Variants in FIP1L1 observed in about 807,000 individuals in gnomAD.
The protein encoded by FIP1L1 is pre-mRNA 3'-end-processing factor FIP1.
In FIP1L1, 21 loss-of-function variants were observed where a neutral mutation model predicts 84.6. That is an observed-to-expected ratio of 0.25 (90% CI 0.18 to 0.36). The LOEUF (loss-of-function observed/expected upper bound fraction) is 0.36. FIP1L1 is among the 10% of genes least tolerant of loss of function. The probability of loss-of-function intolerance (pLI) is 1.00; values close to 1 mark genes in which losing one functional copy is unlikely to be tolerated. For missense variants in FIP1L1, 526 were observed against 751.1 expected, an observed-to-expected ratio of 0.70 and a Z score of 3.50; for synonymous variants, 263 against 242.3, an observed-to-expected ratio of 1.09 and a Z score of -0.80.
chr4:53,407,351 TTGATTGCAC>T (rs1171330680), intron 10 of FIP1L1, among the ~76,000 whole-genome samples: 3 of 152,220 alleles, frequency 2.0e-5, no homozygotes, highest in Non-Finnish European at 4.4e-5. Context: ...GAGTTCTAGT[TTGATTGCAC>T]TGTGGTCTGA....
chr4:53,434,593 T>A (rs966921035), intron 13 of FIP1L1, among the ~76,000 whole-genome samples: 2 of 151,840 alleles, frequency 1.3e-5, no homozygotes, highest in African/African-American at 4.8e-5. Context: ...TGCCTCAGCC[T>A]CCCGAGCAGC....
At position 53,449,703 on chromosome 4, in the gene FIP1L1, T is replaced by C. The variant is rs143101387; in HGVS notation, c.1286-3217T>C. ...GAGTTTGTGTAATATTGGAATGATC[T>C]GTACCTTCACTCACCTGTAAAAGGC... On this transcript the variant is annotated intron_variant, in intron 15 of 17. Coordinates refer to ENST00000337488, the MANE Select transcript of FIP1L1 (RefSeq NM_030917.4). Among the ~76,000 whole-genome samples, 5 of 152,288 alleles carry C rather than the reference T, an allele frequency of 3.3e-5. No homozygotes were observed. In the East Asian group the frequency reaches 7.7e-4, roughly 23 times the overall value.
intron 16 of FIP1L1, among the ~76,000 whole-genome samples, chr4:53,456,262 A>G (rs1376323169): frequency 1.3e-5 from 2 of 152,308 alleles, no homozygotes; most frequent in East Asian, 1.9e-4. Context: ...TTGTTTATAG[A>G]AGATTTGGCT....
rs530828165 is a variant in FIP1L1 at position 53,460,584 on chromosome 4, A to T, written c.*1135A>T. The T allele has an allele frequency of 1.6e-5, 4 of 251,662 alleles. No individual in the cohort carries two copies. The highest frequency in any genetic ancestry group is 8.9e-5 in the African/African-American group (4 of 44,982). 15.6% of individuals were successfully genotyped at this position (251,662 alleles called of 1,614,324 possible). A position where few individuals can be genotyped will look rare whatever the true frequency, so the allele number is the denominator to read the frequency against. On this transcript the variant is annotated 3_prime_UTR_variant, in exon 18 of 18. Transcript: ENST00000337488. Reference sequence around the variant, plus strand: ...CCTTGGCAGACTTCAGCATATACCAAATTTTAAATTTAAATCAGCTTGAAT... The same window carrying T: ...CCTTGGCAGACTTCAGCATATACCATATTTTAAATTTAAATCAGCTTGAAT...
intron 13 of FIP1L1, among the ~76,000 whole-genome samples, chr4:53,429,563 T>TA (rs540951858): frequency 6.6e-6 from 1 of 152,184 alleles, no homozygotes. Context: ...TTAATGATAC[T>TA]AAAAAAATTA....
chr4:53,426,177 C>G (rs1047138453), intron 12 of FIP1L1, among the ~76,000 whole-genome samples: 1 of 151,492 alleles, frequency 6.6e-6, no homozygotes, highest in Non-Finnish European at 1.5e-5. Context: ...CTTTCTTTTC[C>G]TTGGTAGAAA....
At chr4:53,444,313 G>T (rs1217347848) in intron 15 of FIP1L1, among the ~76,000 whole-genome samples, 1 of 152,150 alleles carries the variant, frequency 6.6e-6, no homozygotes, top group East Asian at 1.9e-4. Flanking sequence ...TTAATTCATG[G>T]TGACACAACA....
In FIP1L1 at chr4:53,382,319, A is replaced by G; in HGVS notation, c.212A>G (p.Asn71Ser). The G allele has an allele frequency of 6.2e-7, 1 of 1,613,612 alleles. No individual in the cohort carries two copies. Among genetic ancestry groups the G allele is most frequent in the Non-Finnish European group, 8.5e-7 (1 of 1,179,586 alleles). Reference protein sequence around the residue: ...PSGIEDETAENGVPKPKVTET... With the variant: ...PSGIEDETAESGVPKPKVTET... ...GGAATTGAAGATGAAACTGCTGAAA[A>G]TGGTGTACCAAAACCGGTAACATAA... The change falls in exon 4 of 18, where the codon AAT becomes AGT. Residue 71 changes from asparagine to serine, a missense_variant. By Grantham distance (46) the Asn-to-Ser change is conservative. Coordinates refer to ENST00000337488, the MANE Select transcript of FIP1L1 (RefSeq NM_030917.4).
At chr4:53,407,127 T>G (rs1390019871) in intron 10 of FIP1L1, among the ~76,000 whole-genome samples, 8 of 152,146 alleles carry the variant, frequency 5.3e-5, no homozygotes, top group South Asian at 4.1e-4. Flanking sequence ...GATCTTTCCT[T>G]CTTTCTCTTG....
chr4:53,459,277 C>CTTT (rs3067115), intron 17 of FIP1L1, 25 bp from the exon 18 acceptor site: 22,885 of 967,760 alleles, frequency 0.024, 413 homozygotes, highest in South Asian at 0.059. Context: ...CAGAACACAC[C>CTTT]TTTTTTTTTT....
At chr4:53,401,588 A>G (rs1750292041) in intron 10 of FIP1L1, among the ~76,000 whole-genome samples, 1 of 152,234 alleles carries the variant, frequency 6.6e-6, no homozygotes, top group Admixed American at 6.5e-5. Context: ...TTCAGAAGGT[A>G]AGCCAATAGC....
In FIP1L1 at chr4:53,459,275, AC is replaced by A. The variant is rs1721209041; in HGVS notation, c.1638-25del. ...CTGATTGTGTATTTAAACAGAACACACCTTTTTTTTTTTTTTTTTTTTCCAG... is the reference window on the plus strand; with the variant it reads ...CTGATTGTGTATTTAAACAGAACACACTTTTTTTTTTTTTTTTTTTTCCAG... On this transcript the variant is annotated intron_variant, in intron 17 of 17. Transcript: ENST00000337488. 9 of 942,076 alleles carry A rather than the reference AC, an allele frequency of 9.6e-6. No individual in the cohort carries two copies. The East Asian group carries it at 1.9e-4, about 20-fold the overall frequency. The allele number at this position is 942,076 out of a possible 1,614,324, so 58.4% of individuals were successfully genotyped here. A position where few individuals can be genotyped will look rare whatever the true frequency, so the allele number is the denominator to read the frequency against.
At position 53,414,733 on chromosome 4, in the gene FIP1L1, T is replaced by C. The variant is rs1382277728; in HGVS notation, c.923+11T>C. On this transcript the variant is annotated intron_variant, in intron 11 of 17. Coordinates refer to ENST00000337488, the MANE Select transcript of FIP1L1 (RefSeq NM_030917.4). Reference sequence around the variant, plus strand: ...ATCACCTGATCTAAGGTAAGGCTATTTTTAAACATTGGATACTCCCTGATG... The same window carrying C: ...ATCACCTGATCTAAGGTAAGGCTATCTTTAAACATTGGATACTCCCTGATG... 2 of 1,536,258 alleles carry C rather than the reference T, an allele frequency of 1.3e-6. No individual in the cohort carries two copies. The highest frequency in any genetic ancestry group is 1.7e-5 in the Admixed American group (1 of 59,514).
chr4:53,428,548 A>G (rs1420309268), intron 13 of FIP1L1, among the ~76,000 whole-genome samples: 1 of 152,208 alleles, frequency 6.6e-6, no homozygotes, highest in Non-Finnish European at 1.5e-5. Context: ...ATGGGAGTAG[A>G]TCAAAAAATT....
Position 53,390,712 on chromosome 4 carries a change from T to G in FIP1L1, c.505+84T>G, listed in dbSNP as rs1238175736. 8 of 813,484 alleles carry G rather than the reference T, an allele frequency of 9.8e-6. No individual in the cohort carries two copies. The Admixed American group carries it at 2.0e-4, about 21-fold the overall frequency. 50.4% of individuals were successfully genotyped at this position (813,484 alleles called of 1,614,324 possible). A position where few individuals can be genotyped will look rare whatever the true frequency, so the allele number is the denominator to read the frequency against. On this transcript the variant is annotated intron_variant, in intron 7 of 17. Transcript: ENST00000337488. ...TTTTTTTGAACATCAATTTAGAATT[T>G]TATTTTTTCATTATAATTTTAATTG...
At position 53,391,168 on chromosome 4, in the gene FIP1L1, T is replaced by C. The variant is rs774761433; in HGVS notation, c.636+29T>C. ...ATTAATAAATACTCCGGAATACCCT[T>C]GGCTTGTCTACCGTCCCACTTTTAC... On this transcript the variant is annotated intron_variant, in intron 8 of 17. Coordinates refer to ENST00000337488, the MANE Select transcript of FIP1L1 (RefSeq NM_030917.4). 5 of 1,584,030 alleles carry C rather than the reference T, an allele frequency of 3.2e-6. No individual in the cohort carries two copies. In the South Asian group the frequency reaches 5.9e-5, roughly 19 times the overall value.
rs547766752 is a variant in FIP1L1 at position 53,440,818 on chromosome 4, T to C, written c.1175-1835T>C. The C allele has an allele frequency of 3.4e-4, 169 of 496,178 alleles. 1 individual carries two copies. The highest frequency in any genetic ancestry group is 2.3e-3 in the South Asian group (97 of 41,292). The allele number at this position is 496,178 out of a possible 1,614,324, so 30.7% of individuals were successfully genotyped here. On this transcript the variant is annotated intron_variant, in intron 13 of 17. Coordinates refer to ENST00000337488, the MANE Select transcript of FIP1L1 (RefSeq NM_030917.4). ...CCTGTCTTACCCGTTTCTGTAGAAA[T>C]AGAGATTCTGAGAAAATTCTTACCT...
At position 53,460,720 on chromosome 4, in the gene FIP1L1, G is replaced by GTAGTT. The variant is rs777213155; in HGVS notation, c.*1273_*1277dup. 39 of 555,688 alleles carry GTAGTT rather than the reference G, an allele frequency of 7.0e-5. No homozygotes were observed. The highest frequency in any genetic ancestry group is 4.3e-4 in the Admixed American group (11 of 25,722). The allele number at this position is 555,688 out of a possible 1,614,324, so 34.4% of individuals were successfully genotyped here. A position where few individuals can be genotyped will look rare whatever the true frequency, so the allele number is the denominator to read the frequency against. ...AATCCTCCACACTGAAAAAAAACTAGTAGTTTTAATTTTTTTGGAATCATA... is the reference window on the plus strand; with the variant it reads ...AATCCTCCACACTGAAAAAAAACTAGTAGTTTAGTTTTAATTTTTTTGGAATCATA... On this transcript the variant is annotated 3_prime_UTR_variant, in exon 18 of 18. Coordinates refer to ENST00000337488, the MANE Select transcript of FIP1L1 (RefSeq NM_030917.4).
intron 4 of FIP1L1, among the ~76,000 whole-genome samples, chr4:53,383,402 C>T (rs547606866): frequency 2.6e-5 from 4 of 152,324 alleles, no homozygotes; most frequent in Admixed American, 1.3e-4. Context: ...TGGCTCACGC[C>T]TGTAATTCCA....
Sources: allele counts gnomAD v4.1 joint callset (sites outside exome capture counted in the v4.1 genomes callset), GRCh38; gene constraint gnomAD v4.1.1; transcripts MANE v1.5; gene names NCBI Gene and HGNC (gene_info 2026-07-23, HGNC 2026-07-21).